The following DDR2 variants were observed in gnomAD, a reference collection of about 807,000 sequenced individuals.
DDR2 encodes discoidin domain receptor tyrosine kinase 2, also known as discoidin domain-containing receptor 2.
DDR2 carries 27 observed loss-of-function variants against 94.9 expected under a neutral mutation model. That is an observed-to-expected ratio of 0.28 (90% CI 0.21 to 0.39). The LOEUF (loss-of-function observed/expected upper bound fraction) is 0.39. Ranked by LOEUF, DDR2 falls within the 10% of genes least tolerant of loss-of-function variation. The pLI is 1.00. For synonymous variants in DDR2, 382 were observed against 377.2 expected (o/e 1.01, Z -0.15); for missense variants, 783 against 1,076.0 (o/e 0.73, Z 3.81).
intron 2 of DDR2, among the ~76,000 whole-genome samples, chr1:162,703,708 AG>A (rs1264085208): frequency 3.9e-5 from 6 of 152,188 alleles, no homozygotes; most frequent in Non-Finnish European, 7.4e-5. Flanking sequence ...GCAGTGTGCT[AG>A]GAACCTCACA....
At chr1:162,664,762 T>A (rs1658465375) in intron 2 of DDR2, among the ~76,000 whole-genome samples, 1 of 152,204 alleles carries the variant, frequency 6.6e-6, no homozygotes, top group African/African-American at 2.4e-5. Flanking sequence ...GCATCACTTT[T>A]TCATCAGAAA....
chr1:162,774,703 G>A (rs1243477393), intron 14 of DDR2, among the ~76,000 whole-genome samples: 1 of 152,144 alleles, frequency 6.6e-6, no homozygotes, highest in Non-Finnish European at 1.5e-5. Flanking sequence ...GCCTTTCTCC[G>A]TTGTTCCGAT....
chr1:162,640,500 C>T (rs1038918249), intron 1 of DDR2, among the ~76,000 whole-genome samples: 1 of 152,130 alleles, frequency 6.6e-6, no homozygotes, highest in African/African-American at 2.4e-5. Context: ...CTTAATTTTG[C>T]TGTGAACCTA....
intron 2 of DDR2, among the ~76,000 whole-genome samples, chr1:162,690,388 A>G (rs1283278986): frequency 6.6e-6 from 1 of 152,160 alleles, no homozygotes; most frequent in Non-Finnish European, 1.5e-5. Flanking sequence ...CAGCTCTGCC[A>G]AAATGTCAAC....
intron 2 of DDR2, among the ~76,000 whole-genome samples, chr1:162,657,356 T>A (rs1658047002): frequency 6.6e-6 from 1 of 152,092 alleles, no homozygotes; most frequent in Non-Finnish European, 1.5e-5. Context: ...TCAGACTGAG[T>A]TTTTCAATCT....
At chr1:162,705,388 C>T (rs565050268) in intron 2 of DDR2, among the ~76,000 whole-genome samples, 1 of 152,312 alleles carries the variant, frequency 6.6e-6, no homozygotes, top group South Asian at 2.1e-4. Context: ...GCGGTGTGCT[C>T]CTCTGTGGTC....
At chr1:162,697,080 C>T (rs1158361202) in intron 2 of DDR2, among the ~76,000 whole-genome samples, 1 of 152,096 alleles carries the variant, frequency 6.6e-6, no homozygotes, top group Non-Finnish European at 1.5e-5. Context: ...CACCTTGAGT[C>T]TAATCATGAT....
chr1:162,739,238 C>A (rs1221429976), intron 3 of DDR2, among the ~76,000 whole-genome samples: 3 of 147,588 alleles, frequency 2.0e-5, no homozygotes, highest in Non-Finnish European at 4.5e-5. Context: ...CCAGAATCTA[C>A]GATGAACTCA....
chr1:162,778,539 C>T (rs2102205597), intron 16 of DDR2, 41 bp from the exon 17 acceptor site: 4 of 1,612,814 alleles, frequency 2.5e-6, no homozygotes, highest in African/African-American at 1.3e-5. Flanking sequence ...TTGTTGTGCA[C>T]AGGTTATTCT....
Position 162,694,991 on chromosome 1 carries a change from C to G in DDR2, c.-27-24046C>G, listed in dbSNP as rs567448853. 2.0e-5 allele frequency among the ~76,000 whole-genome samples: 3 copies of G among 152,198 alleles called. No individual in the cohort carries two copies. The South Asian group carries it at 6.2e-4, about 32-fold the overall frequency. On this transcript the variant is annotated intron_variant, in intron 2 of 17. Coordinates refer to ENST00000367921, the MANE Select transcript of DDR2 (RefSeq NM_006182.4). ...TTTGAATGTATCCGTGAAAAATATT[C>G]AAATGTCGAAATCCAAATGTCTTGC...
Position 162,754,820 on chromosome 1 carries a change from C to T in DDR2, c.382C>T (p.Arg128Cys), listed in dbSNP as rs778566598. 8.1e-6 allele frequency: 13 copies of T among 1,613,878 alleles called. No individual in the cohort carries two copies. Among genetic ancestry groups the T allele is most frequent in the Middle Eastern group, 1.6e-4 (1 of 6,082 alleles). ...YKINYSRDGTRWISWRNRHGK... is the reference protein window; with the variant it reads ...YKINYSRDGTCWISWRNRHGK... ...GATCAATTACAGTCGGGATGGCACT[C>T]GCTGGATCTCTTGGCGGAACCGTCA... Residue 128 changes from arginine to cysteine, a missense_variant, in exon 5 of 18, where the codon CGC becomes TGC. Physicochemically the swap from Arg to Cys is radical, Grantham distance 180 (BLOSUM62 -3). Transcript: ENST00000367921.
At chr1:162,757,376 T>A (rs1310151582) in intron 7 of DDR2, among the ~76,000 whole-genome samples, 1 of 152,108 alleles carries the variant, frequency 6.6e-6, no homozygotes, top group Non-Finnish European at 1.5e-5. Flanking sequence ...GAAATGGAAT[T>A]TTAGGCAGAG....
intron 2 of DDR2, among the ~76,000 whole-genome samples, chr1:162,708,885 G>T (rs894784258): frequency 6.6e-6 from 1 of 152,182 alleles, no homozygotes; most frequent in African/African-American, 2.4e-5. Flanking sequence ...ATGGCTAGGG[G>T]TGGCATGCTT....
chr1:162,772,789 C>T (rs1279487475), intron 13 of DDR2, among the ~76,000 whole-genome samples: 1 of 152,212 alleles, frequency 6.6e-6, no homozygotes, highest in South Asian at 2.1e-4. Context: ...TTCATTCTTG[C>T]ATCAGTCACA....
At chr1:162,644,612 T>G (rs1213559717) in intron 1 of DDR2, among the ~76,000 whole-genome samples, 1 of 152,092 alleles carries the variant, frequency 6.6e-6, no homozygotes, top group Non-Finnish European at 1.5e-5. Context: ...CTTTTTTTTT[T>G]TTTTGAGACA....
At chr1:162,725,407 G>T (rs1480146309) in intron 3 of DDR2, among the ~76,000 whole-genome samples, 1 of 152,110 alleles carries the variant, frequency 6.6e-6, no homozygotes, top group South Asian at 2.1e-4. Flanking sequence ...GAGAGGGCAT[G>T]TTGCTCTGTC....
rs926790144 is a variant in DDR2 at position 162,785,796 on chromosome 1, TTC to T, written c.*5554_*5555del. The T allele has an allele frequency of 2.6e-4, 40 of 152,354 alleles. No homozygotes were observed. Among genetic ancestry groups the T allele is most frequent in the African/African-American group, 9.4e-4 (39 of 41,592 alleles). The allele number at this position is 152,354 out of a possible 1,614,324, so 9.4% of individuals were successfully genotyped here. On this transcript the variant is annotated 3_prime_UTR_variant, in exon 18 of 18. Coordinates refer to ENST00000367921, the MANE Select transcript of DDR2 (RefSeq NM_006182.4). ...TCAGACTTGTTCCTGGTGAAGTGCATTCTCTGTTTGTATACTTTTTGATGGAG... is the reference window on the plus strand; with the variant it reads ...TCAGACTTGTTCCTGGTGAAGTGCATTCTGTTTGTATACTTTTTGATGGAG...
At chr1:162,681,853 T>C (rs1659421633) in intron 2 of DDR2, among the ~76,000 whole-genome samples, 1 of 152,200 alleles carries the variant, frequency 6.6e-6, no homozygotes, top group African/African-American at 2.4e-5. Flanking sequence ...GCAGAGAGTG[T>C]ATGTTCACAG....
At chr1:162,662,833 T>C (rs1471449838) in intron 2 of DDR2, among the ~76,000 whole-genome samples, 2 of 151,944 alleles carry the variant, frequency 1.3e-5, no homozygotes, top group African/African-American at 2.4e-5. Flanking sequence ...CAGAAGAGAA[T>C]CAAGAAAGTA....
Sources: allele counts gnomAD v4.1 joint callset (sites outside exome capture counted in the v4.1 genomes callset), GRCh38; gene constraint gnomAD v4.1.1; transcripts MANE v1.5; gene names NCBI Gene and HGNC (gene_info 2026-07-23, HGNC 2026-07-21).